The following CD28 variants were observed in gnomAD, a reference collection of about 807,000 sequenced individuals.
The protein encoded by CD28 is CD28 molecule.
In CD28, 8 loss-of-function variants were observed where a neutral mutation model predicts 21.4. That is an observed-to-expected ratio of 0.37 (90% CI 0.22 to 0.68). The LOEUF is 0.68. Among genes scored for constraint, CD28 ranks in the 30% least tolerant of loss-of-function variants. The probability of loss-of-function intolerance (pLI) is 0.55; values close to 1 mark genes in which losing one functional copy is unlikely to be tolerated. For synonymous variants in CD28, 106 were observed against 104.0 expected (o/e 1.02, Z -0.12); for missense variants, 239 against 272.2 (o/e 0.88, Z 0.86).
intron 1 of CD28, among the ~76,000 whole-genome samples, chr2:203,712,947 A>G (rs547338522): frequency 6.6e-6 from 1 of 152,324 alleles, no homozygotes; most frequent in East Asian, 1.9e-4. Context: ...TATTTCATAG[A>G]TGGGGAAACT....
Position 203,738,671 on chromosome 2 carries a change from G to A in CD28, c.*3759G>A, listed in dbSNP as rs1011293713. 5 of 152,040 alleles carry A rather than the reference G, an allele frequency of 3.3e-5. No individual in the cohort carries two copies. The highest frequency in any genetic ancestry group is 2.1e-4 in the South Asian group (1 of 4,826). 9.4% of individuals were successfully genotyped at this position (152,040 alleles called of 1,614,324 possible). A position where few individuals can be genotyped will look rare whatever the true frequency, so the allele number is the denominator to read the frequency against. ...TTCTGTAGATGACCTGGCTTGCCTC[G>A]TCACCCTTCAGGTCCTTGCTCAAGT... On this transcript the variant is annotated 3_prime_UTR_variant, in exon 4 of 4. Transcript: ENST00000324106.
At position 203,736,840 on chromosome 2, in the gene CD28, A is replaced by G. The variant is rs1337641284; in HGVS notation, c.*1928A>G. The G allele has an allele frequency of 1.3e-5, 2 of 152,252 alleles. No homozygotes were observed. The highest frequency in any genetic ancestry group is 2.9e-5 in the Non-Finnish European group (2 of 68,042). The allele number at this position is 152,252 out of a possible 1,614,324, so 9.4% of individuals were successfully genotyped here. On this transcript the variant is annotated 3_prime_UTR_variant, in exon 4 of 4. Coordinates refer to ENST00000324106, the MANE Select transcript of CD28 (RefSeq NM_006139.4). ...CCTATAGTATAATCTCCATAAGGGC[A>G]TGGCCCAAGTCTGTCTTTGACTCTG...
intron 2 of CD28, among the ~76,000 whole-genome samples, chr2:203,729,145 G>A (rs918470219): frequency 1.3e-5 from 2 of 152,112 alleles, no homozygotes; most frequent in African/African-American, 4.8e-5. Flanking sequence ...GATACAAAGT[G>A]ATTTGTTTGT....
chr2:203,734,747 C>T (rs371010635), intron 3 of CD28, 37 bp from the exon 4 acceptor site: 1 of 1,612,522 alleles, frequency 6.2e-7, no homozygotes, highest in Non-Finnish European at 8.5e-7. Flanking sequence ...CCTTCCATGA[C>T]ATTGTCCCTC....
chr2:203,709,703 A>G (rs536304065), intron 1 of CD28, among the ~76,000 whole-genome samples: 4 of 152,362 alleles, frequency 2.6e-5, no homozygotes, highest in Non-Finnish European at 4.4e-5. Context: ...GGGATTGATG[A>G]TAGAAGGATG....
chr2:203,724,034 T>C (rs1194331944), intron 1 of CD28, among the ~76,000 whole-genome samples: 1 of 152,190 alleles, frequency 6.6e-6, no homozygotes. Flanking sequence ...TATTTGGCCA[T>C]GAAGAGTGAA....
chr2:203,727,930 G>A (rs1349037853), intron 2 of CD28, among the ~76,000 whole-genome samples: 1 of 152,146 alleles, frequency 6.6e-6, no homozygotes, highest in Non-Finnish European at 1.5e-5. Context: ...GCCCGTGTTG[G>A]CCTCCCAAAG....
At chr2:203,714,816 C>A (rs1360223731) in intron 1 of CD28, among the ~76,000 whole-genome samples, 1 of 152,296 alleles carries the variant, frequency 6.6e-6, no homozygotes, top group Non-Finnish European at 1.5e-5. Flanking sequence ...AAATCCCTTG[C>A]AGGGATTGCT....
chr2:203,726,164 T>C (rs527596786), intron 1 of CD28, among the ~76,000 whole-genome samples: 27 of 152,274 alleles, frequency 1.8e-4, no homozygotes, highest in Non-Finnish European at 2.4e-4. Context: ...TGAGCTGAGA[T>C]TGCACCACTG....
rs1693557795 is a variant in CD28 at position 203,719,789 on chromosome 2, T to C, written c.53-6844T>C. Among the ~76,000 whole-genome samples, 3 of 152,208 alleles carry C rather than the reference T, an allele frequency of 2.0e-5. No individual in the cohort carries two copies. The South Asian group carries it at 6.2e-4, about 32-fold the overall frequency. On this transcript the variant is annotated intron_variant, in intron 1 of 3. Transcript: ENST00000324106. ...ATAGATACTAAATTAAGCCAATGTG[T>C]TTCCCATATTGCATTTTGGGCTTCA...
At chr2:203,730,875 T>C (rs1457612692) in intron 3 of CD28, among the ~76,000 whole-genome samples, 1 of 152,252 alleles carries the variant, frequency 6.6e-6, no homozygotes, top group East Asian at 1.9e-4. Context: ...CCATATCATA[T>C]GAAGTCATTC....
chr2:203,727,128 A>G (rs1693772637), intron 2 of CD28, 139 bp downstream of exon 2: 2 of 631,456 alleles, frequency 3.2e-6, no homozygotes, highest in Non-Finnish European at 5.7e-6. Flanking sequence ...ATGTTTTCAG[A>G]AAAATTTTTC....
chr2:203,715,283 C>G (rs1693435521), intron 1 of CD28, among the ~76,000 whole-genome samples: 1 of 152,056 alleles, frequency 6.6e-6, no homozygotes, highest in Non-Finnish European at 1.5e-5. Context: ...CCCTGGTTAC[C>G]TCCTATTTAG....
intron 1 of CD28, among the ~76,000 whole-genome samples, chr2:203,717,290 G>A (rs1693485381): frequency 6.6e-6 from 1 of 152,158 alleles, no homozygotes; most frequent in Non-Finnish European, 1.5e-5. Context: ...TGGTATAACT[G>A]ATAGTTGTGA....
intron 1 of CD28, among the ~76,000 whole-genome samples, chr2:203,711,240 T>C (rs568244923): frequency 4.6e-5 from 7 of 152,346 alleles, no homozygotes; most frequent in African/African-American, 1.7e-4. Flanking sequence ...GGTGGTTGCA[T>C]GCAAGTGTCT....
At chr2:203,718,570 C>T (rs1693524327) in intron 1 of CD28, among the ~76,000 whole-genome samples, 1 of 152,156 alleles carries the variant, frequency 6.6e-6, no homozygotes, top group Non-Finnish European at 1.5e-5. Context: ...AATCTTACAA[C>T]CTGATTTTTC....
intron 1 of CD28, among the ~76,000 whole-genome samples, chr2:203,721,596 C>T (rs896026828): frequency 1.3e-5 from 2 of 152,008 alleles, no homozygotes; most frequent in Non-Finnish European, 2.9e-5. Flanking sequence ...ACGTCTTAGC[C>T]AGGCTAACTT....
Position 203,713,852 on chromosome 2 carries a change from G to GGAGAGAGAGA in CD28, c.52+7119_52+7128dup, listed in dbSNP as rs57737764. Among the ~76,000 whole-genome samples, 272 of 141,758 alleles carry GGAGAGAGAGA rather than the reference G, an allele frequency of 1.9e-3. 1 individual carries two copies. Among genetic ancestry groups the GGAGAGAGAGA allele is most frequent in the African/African-American group, 6.4e-3 (239 of 37,494 alleles). The allele number at this position is 141,758 out of a possible 152,430, so 93.0% of individuals were successfully genotyped here. A position where few individuals can be genotyped will look rare whatever the true frequency, so the allele number is the denominator to read the frequency against. On this transcript the variant is annotated intron_variant, in intron 1 of 3. Transcript: ENST00000324106. Reference sequence around the variant, plus strand: ...CTGGACCTGAGAGAGAGAGAGAGAGGGAGAGAGAGAGAGAGAGAGAGAGAC... The same window carrying GGAGAGAGAGA: ...CTGGACCTGAGAGAGAGAGAGAGAGGGAGAGAGAGAGAGAGAGAGAGAGAGAGAGAGAGAC...
chr2:203,728,448 C>G (rs559473168), intron 2 of CD28, among the ~76,000 whole-genome samples: 4 of 152,248 alleles, frequency 2.6e-5, no homozygotes, highest in Non-Finnish European at 5.9e-5. Context: ...ATAAGAAACA[C>G]ATATGTTCAG....
Sources: allele counts gnomAD v4.1 joint callset (sites outside exome capture counted in the v4.1 genomes callset), GRCh38; gene constraint gnomAD v4.1.1; transcripts MANE v1.5; gene names NCBI Gene and HGNC (gene_info 2026-07-23, HGNC 2026-07-21).